The following PHACTR1 variants were observed in gnomAD, a reference collection of about 807,000 sequenced individuals.
The protein encoded by PHACTR1 is phosphatase and actin regulator 1.
Under a neutral mutation model 69.2 loss-of-function variants are expected in PHACTR1, and 16 were observed. The ratio of observed to expected loss-of-function variants is 0.23; its 90% CI spans 0.16 to 0.35. The LOEUF (loss-of-function observed/expected upper bound fraction) is 0.35, where lower values mean the gene tolerates loss of function less well. PHACTR1 is among the 10% of genes least tolerant of loss of function. The probability of loss-of-function intolerance (pLI) is 1.00; values close to 1 mark genes in which losing one functional copy is unlikely to be tolerated. For synonymous variants in PHACTR1, 312 were observed against 284.5 expected (o/e 1.10, Z -0.97); for missense variants, 510 against 734.7 (o/e 0.69, Z 3.54).
Position 13,283,475 on chromosome 6 carries a change from C to T in PHACTR1, c.1563C>T (p.Arg521=). 6.2e-7 allele frequency: 1 copy of T among 1,613,914 alleles called. No individual in the cohort carries two copies. Among genetic ancestry groups the T allele is most frequent in the Non-Finnish European group, 8.5e-7 (1 of 1,179,858 alleles). Residue 521 remains arginine, a synonymous_variant, in exon 13 of 15, where the codon CGC becomes CGT. Transcript: ENST00000332995. The surrounding 1 kb of genome is among the most constrained non-coding windows in gnomAD (Gnocchi z 4.7). ...TTCGGGAAAGAAAGATCCTCATCCG[C>T]TTCAGTGACTACGTGGAGGTGGCTG... ...EELRERKILI[R]FSDYVEVADA...
At chr6:13,242,537 G>A (rs1773000004) in intron 10 of PHACTR1, among the ~76,000 whole-genome samples, 1 of 152,190 alleles carries the variant, frequency 6.6e-6, no homozygotes, top group South Asian at 2.1e-4. Context: ...ATTGCCAGAG[G>A]GGTCTGTCTT....
At chr6:13,185,984 A>G (rs1204725122) in intron 7 of PHACTR1, among the ~76,000 whole-genome samples, 2 of 150,768 alleles carry the variant, frequency 1.3e-5, no homozygotes, top group Non-Finnish European at 2.9e-5. Flanking sequence ...GAGTTCAGCT[A>G]ATGTTGTTTC....
At chr6:13,240,852 G>T (rs969779905) in intron 10 of PHACTR1, among the ~76,000 whole-genome samples, 2 of 152,204 alleles carry the variant, frequency 1.3e-5, no homozygotes, top group Non-Finnish European at 2.9e-5. Context: ...GCCTGTTGCT[G>T]TAGATAAAGT....
At chr6:13,040,394 T>C (rs1803958966) in intron 4 of PHACTR1, among the ~76,000 whole-genome samples, 1 of 152,250 alleles carries the variant, frequency 6.6e-6, no homozygotes, top group African/African-American at 2.4e-5. Flanking sequence ...TTAGTTAAGA[T>C]GAGTTTCATT....
intron 8 of PHACTR1, among the ~76,000 whole-genome samples, 184 bp downstream of exon 8, chr6:13,206,320 T>G (rs1238314507): frequency 2.0e-5 from 3 of 152,174 alleles, no homozygotes; most frequent in Non-Finnish European, 4.4e-5. Context: ...TGTTGCCAAT[T>G]GAAAAGCTCT....
chr6:12,830,137 G>GAAAGAAAGAAAGAAAGAAAGA (rs1777365675), intron 4 of PHACTR1, among the ~76,000 whole-genome samples: 1 of 111,934 alleles, frequency 8.9e-6, no homozygotes, highest in African/African-American at 2.7e-5. Flanking sequence ...AAGAAAGAAA[G>GAAAGAAAGAAAGAAAGAAAGA]AAAGAAAGAA....
At chr6:12,871,796 C>G (rs1258891418) in intron 4 of PHACTR1, among the ~76,000 whole-genome samples, 2 of 152,096 alleles carry the variant, frequency 1.3e-5, no homozygotes, top group Non-Finnish European at 2.9e-5. Context: ...CACCTAGATT[C>G]ACTATTTTAT....
chr6:12,901,709 T>G (rs1162532693), intron 4 of PHACTR1, among the ~76,000 whole-genome samples: 1 of 152,204 alleles, frequency 6.6e-6, no homozygotes, highest in African/African-American at 2.4e-5. Flanking sequence ...TTGGTCAGGC[T>G]GGTCTCGAAC....
In PHACTR1 at chr6:13,160,060, T is replaced by C. The variant is rs115910260; in HGVS notation, c.416-144T>C. On this transcript the variant is annotated intron_variant, in intron 5 of 14. Transcript: ENST00000332995. ...TAGTATCAAAACATATTAACTGGTA[T>C]GTCTCATTAGCTCACATTAGCAAAG... The C allele has an allele frequency of 1.9e-3, 1,286 of 668,312 alleles. 15 individuals are homozygous for C. The African/African-American group carries it at 0.02, about 11-fold the overall frequency. The allele number at this position is 668,312 out of a possible 1,614,324, so 41.4% of individuals were successfully genotyped here.
intron 5 of PHACTR1, among the ~76,000 whole-genome samples, chr6:13,092,248 GCC>G (rs1221483569): frequency 2.0e-5 from 3 of 152,190 alleles, no homozygotes; most frequent in Non-Finnish European, 4.4e-5. Flanking sequence ...TTCCTAACAG[GCC>G]ACAGACCAGT....
intron 10 of PHACTR1, among the ~76,000 whole-genome samples, chr6:13,242,236 G>A (rs1246288042): frequency 4.6e-5 from 7 of 152,106 alleles, no homozygotes; most frequent in Admixed American, 4.6e-4. Context: ...GGAAGAGCAG[G>A]CAGAGGAGGC....
chr6:12,884,402 AT>A (rs779017824), intron 4 of PHACTR1, among the ~76,000 whole-genome samples: 1,405 of 142,392 alleles, frequency 9.9e-3, no homozygotes, highest in African/African-American at 0.019. Flanking sequence ...GGTTTACTGA[AT>A]TTTTTTTTTT....
intron 4 of PHACTR1, among the ~76,000 whole-genome samples, chr6:12,779,062 ACGGTGGCT>A (rs1770466753): frequency 6.6e-6 from 1 of 152,168 alleles, no homozygotes; most frequent in Non-Finnish European, 1.5e-5. Context: ...GCGGCCGGGC[ACGGTGGCT>A]CATGCCTGTA....
intron 5 of PHACTR1, among the ~76,000 whole-genome samples, chr6:13,155,250 G>A (rs1007507129): frequency 3.3e-5 from 5 of 152,132 alleles, no homozygotes; most frequent in African/African-American, 1.2e-4. Flanking sequence ...CCATGCTTCG[G>A]TTGTCCTACA....
intron 8 of PHACTR1, among the ~76,000 whole-genome samples, chr6:13,223,187 G>C (rs1487804795): frequency 1.3e-5 from 2 of 152,134 alleles, no homozygotes; most frequent in Non-Finnish European, 1.5e-5. Flanking sequence ...GTAAATAATA[G>C]TGTAAATGGA....
chr6:12,795,768 A>T (rs1772910461), intron 4 of PHACTR1, among the ~76,000 whole-genome samples: 1 of 151,876 alleles, frequency 6.6e-6, no homozygotes, highest in Non-Finnish European at 1.5e-5. Context: ...CCCCTTTTTA[A>T]ATACTTAGGT....
In PHACTR1 at chr6:12,778,957, A is replaced by G. The variant is rs375362557; in HGVS notation, c.250+29167A>G. Among the ~76,000 whole-genome samples, 15 of 152,326 alleles carry G rather than the reference A, an allele frequency of 9.8e-5. No homozygotes were observed. The South Asian group carries it at 1.5e-3, about 15-fold the overall frequency. On this transcript the variant is annotated intron_variant, in intron 4 of 14. Coordinates refer to ENST00000332995, the MANE Select transcript of PHACTR1 (RefSeq NM_030948.6). ...GCTTAAGCCACAGGGGCCAGGCAGGATTTCAGCCCTACTTGCCCTTGGCTC... is the reference window on the plus strand; with the variant it reads ...GCTTAAGCCACAGGGGCCAGGCAGGGTTTCAGCCCTACTTGCCCTTGGCTC...
intron 5 of PHACTR1, among the ~76,000 whole-genome samples, chr6:13,072,032 C>G (rs936364559): frequency 1.3e-5 from 2 of 152,200 alleles, no homozygotes; most frequent in African/African-American, 2.4e-5. Context: ...GCACAAAACT[C>G]TATTTCATCT....
intron 7 of PHACTR1, among the ~76,000 whole-genome samples, chr6:13,190,180 T>C (rs1416923958): frequency 6.9e-6 from 1 of 144,432 alleles, no homozygotes; most frequent in East Asian, 2.1e-4. Flanking sequence ...TGTGCCACTA[T>C]GCTCAGCTAA....
Sources: allele counts gnomAD v4.1 joint callset (sites outside exome capture counted in the v4.1 genomes callset), GRCh38; gene constraint gnomAD v4.1.1; non-coding constraint Gnocchi (gnomAD v3.1); transcripts MANE v1.5; gene names NCBI Gene and HGNC (gene_info 2026-07-23, HGNC 2026-07-21).